Variants in SESN1 observed in about 807,000 individuals in gnomAD.
The protein encoded by SESN1 is sestrin 1.
A neutral mutation model predicts 59.3 loss-of-function variants in SESN1; 30 were observed. That is an observed-to-expected ratio of 0.51 (90% confidence interval 0.38 to 0.69). SESN1 has a LOEUF of 0.69. SESN1 is among the 30% of genes least tolerant of loss of function. The pLI is 0.00. For missense variants in SESN1, 566 were observed against 673.0 expected, an observed-to-expected ratio of 0.84 and a Z score of 1.76; for synonymous variants, 197 against 219.9, an observed-to-expected ratio of 0.90 and a Z score of 0.92.
intron 1 of SESN1, among the ~76,000 whole-genome samples, chr6:109,057,091 G>A (rs1282226605): frequency 6.6e-6 from 1 of 152,102 alleles, no homozygotes; most frequent in Non-Finnish European, 1.5e-5. Context: ...GTTTAGAAAG[G>A]AGATCTCCAG....
chr6:109,031,894 A>C (rs1468847680), intron 1 of SESN1, among the ~76,000 whole-genome samples: 2 of 152,220 alleles, frequency 1.3e-5, no homozygotes, highest in East Asian at 3.8e-4. Context: ...ATATATAATG[A>C]AATATCTTGG....
rs946891061 is a variant in SESN1 at position 109,084,575 on chromosome 6, A to G, written c.279+9220T>C. On this transcript the variant is annotated intron_variant, in intron 1 of 9. Coordinates refer to ENST00000436639, the MANE Select transcript of SESN1 (RefSeq NM_014454.3). ...TCTCAAAACAAAAACAAAACAAAAG[A>G]AAACAAAACAAACAAACAAAAAATA... is the stretch of plus-strand genomic sequence containing the variant. Among the ~76,000 whole-genome samples the G allele has an allele frequency of 4.6e-5, 7 of 152,272 alleles. No individual in the cohort carries two copies. The South Asian group carries it at 1.2e-3, about 27-fold the overall frequency.
At chr6:109,056,278 A>G (rs1006700754) in intron 1 of SESN1, among the ~76,000 whole-genome samples, 7 of 152,090 alleles carry the variant, frequency 4.6e-5, no homozygotes, top group South Asian at 2.1e-4. Context: ...ATGGTAGCGT[A>G]CACCTTTCCC....
At chr6:109,039,742 C>T (rs527356578) in intron 1 of SESN1, among the ~76,000 whole-genome samples, 55 of 152,298 alleles carry the variant, frequency 3.6e-4, no homozygotes, top group African/African-American at 1.3e-3. Context: ...TACAAAGTTT[C>T]TAGTAAAAGT....
rs116080757 is a variant in SESN1 at position 109,068,477 on chromosome 6, G to A, written c.279+25318C>T. Reference sequence around the variant, plus strand: ...GGCAAATTTGTAATTTGGAAGATAAGTTCAGGGAACTCTCCAAGATATAAA... The same window carrying A: ...GGCAAATTTGTAATTTGGAAGATAAATTCAGGGAACTCTCCAAGATATAAA... On this transcript the variant is annotated intron_variant, in intron 1 of 9. Transcript: ENST00000436639. 7.8e-3 allele frequency among the ~76,000 whole-genome samples: 1,180 copies of A among 152,182 alleles called. 21 individuals carry two copies. The highest frequency in any genetic ancestry group is 0.027 in the African/African-American group (1,133 of 41,506).
At position 108,985,727 on chromosome 6, in the gene SESN1, G is replaced by T. The variant is rs763443715; in HGVS notation, c.*1817C>A. On this transcript the variant is annotated 3_prime_UTR_variant, in exon 10 of 10. Coordinates refer to ENST00000436639, the MANE Select transcript of SESN1 (RefSeq NM_014454.3). ...TTGTATTTTCAAGAGGAGGAACAAAGAGCAGAAATGGGATAAGTAAAATTT... is the reference window on the plus strand; with the variant it reads ...TTGTATTTTCAAGAGGAGGAACAAATAGCAGAAATGGGATAAGTAAAATTT... Among the ~76,000 whole-genome samples, 1 of 152,166 alleles carries T rather than the reference G, an allele frequency of 6.6e-6. No individual in the cohort carries two copies. Among genetic ancestry groups the T allele is most frequent in the Non-Finnish European group, 1.5e-5 (1 of 68,018 alleles).
rs754310631 is a variant in SESN1 at position 109,093,939 on chromosome 6, T to G, written c.135A>C (p.Thr45=). The G allele has an allele frequency of 6.2e-7, 1 of 1,614,090 alleles. No individual in the cohort carries two copies. The highest frequency in any genetic ancestry group is 1.1e-5 in the South Asian group (1 of 91,078). Residue 45 remains threonine, a synonymous_variant, in exon 1 of 10, where the codon ACA becomes ACC. Transcript: ENST00000436639. ...AAAGCCCGTCTGATGGACGATGAGG[T>G]GTTTCTTTCACCGAACGAAGATACT... The part of the protein sequence containing the change: ...KTEYLRSVKE[T]PHRPSDGLSN...
chr6:109,087,344 T>C (rs1554267614), intron 1 of SESN1, among the ~76,000 whole-genome samples: 1 of 143,280 alleles, frequency 7.0e-6, no homozygotes, highest in Non-Finnish European at 1.5e-5. Context: ...TCAAACAATT[T>C]AGAAAAAAAA....
chr6:109,050,337 A>G (rs1214026135), intron 1 of SESN1, among the ~76,000 whole-genome samples: 2 of 152,004 alleles, frequency 1.3e-5, no homozygotes, highest in African/African-American at 4.8e-5. Flanking sequence ...AGAAGCAGAG[A>G]ACACATCTCC....
chr6:109,041,693 T>C (rs1374937855), intron 1 of SESN1, among the ~76,000 whole-genome samples: 2 of 150,694 alleles, frequency 1.3e-5, no homozygotes, highest in African/African-American at 4.9e-5. Flanking sequence ...AGCTGTAAAA[T>C]ATATGAAGGA....
rs775520435 is a variant in SESN1 at position 109,077,772 on chromosome 6, A to G, written c.279+16023T>C. Among the ~76,000 whole-genome samples the G allele has an allele frequency of 5.9e-5, 9 of 152,214 alleles. No individual in the cohort carries two copies. The East Asian group carries it at 7.7e-4, about 13-fold the overall frequency. ...AACATTATAGTGAGTGGGTTCATGC[A>G]TATTTGTGTACTTCTTTTGTTTGGG... On this transcript the variant is annotated intron_variant, in intron 1 of 9. Coordinates refer to ENST00000436639, the MANE Select transcript of SESN1 (RefSeq NM_014454.3).
At chr6:109,022,666 G>A (rs1354400721) in intron 1 of SESN1, among the ~76,000 whole-genome samples, 4 of 151,624 alleles carry the variant, frequency 2.6e-5, no homozygotes, top group Admixed American at 6.6e-5. Context: ...TGTCCGCCTC[G>A]GCCTCCCAAA....
chr6:108,992,822 T>G lies in SESN1; in HGVS notation c.1198A>C (p.Arg400=), dbSNP rs752619167. The G allele has an allele frequency of 1.9e-6, 3 of 1,613,610 alleles. No individual in the cohort carries two copies. The highest frequency in any genetic ancestry group is 2.5e-6 in the Non-Finnish European group (3 of 1,179,750). ...DTSYGYKDFS[R]HGMHVPTFRV... is the part of the protein sequence containing the mutation. ...AATGTTGGAACATGCATCCCATGTC[T>G]AGAGAAATCTTTATAGCCATAACTA... Residue 400 remains arginine (R), a synonymous_variant, in exon 7 of 10, where the codon AGA becomes CGA. Transcript: ENST00000436639.
chr6:109,071,153 G>A (rs929190589), intron 1 of SESN1, among the ~76,000 whole-genome samples: 6 of 152,032 alleles, frequency 3.9e-5, no homozygotes, highest in African/African-American at 1.4e-4. Flanking sequence ...GGTCTAGAGG[G>A]TCCAGCAATG....
chr6:109,037,296 A>G (rs887359565), intron 1 of SESN1, among the ~76,000 whole-genome samples: 2 of 152,158 alleles, frequency 1.3e-5, no homozygotes, highest in Admixed American at 6.5e-5. Context: ...TTTTTCTCTT[A>G]TCCTTTTAAA....
In SESN1 at chr6:109,093,824, T is replaced by C; in HGVS notation, c.250A>G (p.Lys84Glu). 1.2e-6 allele frequency: 2 copies of C among 1,614,108 alleles called. No homozygotes were observed. The highest frequency in any genetic ancestry group is 2.2e-5 in the East Asian group (1 of 44,870). The change falls in exon 1 of 10, where the codon AAA becomes GAA. Residue 84 changes from lysine to glutamate, a missense_variant. Physicochemically the swap from Lys to Glu is moderately conservative, Grantham distance 56. Transcript: ENST00000436639. ...ATGCTCTTCAGAATAAACTCACTTT[T>C]CTCTCTCACATCTTTGAAGGGACAC... Reference protein sequence around the residue: ...KRCPFKDVREKSEFILKSIQE... With the variant: ...KRCPFKDVREESEFILKSIQE...
intron 1 of SESN1, among the ~76,000 whole-genome samples, chr6:109,040,941 C>T (rs1368370122): frequency 2.6e-5 from 4 of 151,866 alleles, no homozygotes; most frequent in Non-Finnish European, 2.9e-5. Context: ...CGTGAGCCAC[C>T]GCACCTGGCC....
intron 1 of SESN1, among the ~76,000 whole-genome samples, chr6:109,048,905 A>G (rs1027383519): frequency 1.3e-5 from 2 of 152,158 alleles, no homozygotes; most frequent in African/African-American, 4.8e-5. Flanking sequence ...ATAAAAAGTG[A>G]CGGGATGAGT....
At chr6:109,016,000 A>T (rs1015490935) in intron 1 of SESN1, among the ~76,000 whole-genome samples, 1 of 152,226 alleles carries the variant, frequency 6.6e-6, no homozygotes, top group African/African-American at 2.4e-5. Context: ...GCATAATATT[A>T]AAAATTATCC....
Sources: gnomAD v4.1 joint callset for allele counts (sites outside exome capture counted in the v4.1 genomes callset) on GRCh38, gnomAD v4.1.1 for gene constraint, MANE v1.5 for transcripts, NCBI Gene and HGNC (gene_info 2026-07-23, HGNC 2026-07-21) for gene names.